The following ADI1 variants were observed in gnomAD, a reference collection of about 807,000 sequenced individuals.
The protein encoded by ADI1 is acireductone dioxygenase.
ADI1 carries 21 observed loss-of-function variants against 18.7 expected under a neutral mutation model. That is an observed-to-expected ratio of 1.13 (90% CI 0.80 to 1.62). The LOEUF (loss-of-function observed/expected upper bound fraction) is 1.62, where lower values mean the gene tolerates loss of function less well. Among genes scored for constraint, ADI1 ranks in the 40% most tolerant of loss-of-function variants. The probability of loss-of-function intolerance (pLI) is 0.00; values close to 1 mark genes in which losing one functional copy is unlikely to be tolerated. For missense variants in ADI1, 245 were observed against 254.9 expected (o/e 0.96, Z 0.26); for synonymous variants, 90 against 100.1 (o/e 0.90, Z 0.60).
At chr2:3,514,704 G>A (rs1203894259) in intron 1 of ADI1, 4 of 1,415,956 alleles carry the variant, frequency 2.8e-6, no homozygotes, top group Admixed American at 4.4e-5. Context: ...CCCTGATGAA[G>A]CTCCAGGCAG....
intron 1 of ADI1, chr2:3,516,899 G>A (rs1667421770): frequency 1.0e-6 from 1 of 979,486 alleles, no homozygotes; most frequent in Non-Finnish European, 1.2e-6. Context: ...AATATGGGGT[G>A]TGTGTGTGGC....
chr2:3,519,293 G>A, intron 1 of ADI1, 75 bp downstream of exon 1: 2 of 1,317,814 alleles, frequency 1.5e-6, no homozygotes, highest in South Asian at 3.9e-5. Flanking sequence ...CCCGGCACCT[G>A]GAGGAGGCTG....
Position 3,498,804 on chromosome 2 carries a change from C to A in ADI1, c.*159G>T. 1 of 1,271,692 alleles carries A rather than the reference C, an allele frequency of 7.9e-7. No homozygotes were observed. The highest frequency in any genetic ancestry group is 1.1e-6 in the Non-Finnish European group (1 of 936,836). 78.8% of individuals were successfully genotyped at this position (1,271,692 alleles called of 1,614,324 possible). On this transcript the variant is annotated 3_prime_UTR_variant, in exon 4 of 4. Transcript: ENST00000327435. ...TACACTTCCAAGTTGCTTTCTAGAT[C>A]CTTTCATTACAAAATATTCTGATCA...
At chr2:3,512,621 G>C (rs1184635050) in intron 2 of ADI1, among the ~76,000 whole-genome samples, 1 of 152,230 alleles carries the variant, frequency 6.6e-6, no homozygotes, top group Non-Finnish European at 1.5e-5. Context: ...CAAGGGTTGA[G>C]GCTTGGGATT....
At chr2:3,502,500 T>C (rs958681970) in intron 2 of ADI1, among the ~76,000 whole-genome samples, 2 of 147,880 alleles carry the variant, frequency 1.4e-5, no homozygotes, top group African/African-American at 5.1e-5. Flanking sequence ...TTGCCCAGGC[T>C]GGAGTGCAAT....
Position 3,498,855 on chromosome 2 carries a change from C to A in ADI1, c.*108G>T. 1.4e-6 allele frequency: 2 copies of A among 1,447,424 alleles called. No individual in the cohort carries two copies. The highest frequency in any genetic ancestry group is 1.4e-5 in the African/African-American group (1 of 70,334). The allele number at this position is 1,447,424 out of a possible 1,614,324, so 89.7% of individuals were successfully genotyped here. A position where few individuals can be genotyped will look rare whatever the true frequency, so the allele number is the denominator to read the frequency against. The stretch of plus-strand genomic sequence containing the variant: ...AATAATCTTACAAAGGAAAGATAAT[C>A]TAGCCTCAAGGCTATCCTCTAAAAG... On this transcript the variant is annotated 3_prime_UTR_variant, in exon 4 of 4. Coordinates refer to ENST00000327435, the MANE Select transcript of ADI1 (RefSeq NM_018269.4).
chr2:3,503,329 GCACACATA>G (rs1667077655), intron 2 of ADI1, among the ~76,000 whole-genome samples: 1 of 140,684 alleles, frequency 7.1e-6, no homozygotes, highest in Non-Finnish European at 1.5e-5. Context: ...TCACACACAT[GCACACATA>G]CACACGTACT....
intron 2 of ADI1, among the ~76,000 whole-genome samples, chr2:3,501,984 T>G (rs1484001710): frequency 6.6e-6 from 1 of 151,236 alleles, no homozygotes. Context: ...ACTGTTCATA[T>G]CTCCACACCT....
chr2:3,510,260 A>G (rs1338782204), intron 2 of ADI1, among the ~76,000 whole-genome samples: 1 of 152,118 alleles, frequency 6.6e-6, no homozygotes, highest in Non-Finnish European at 1.5e-5. Flanking sequence ...GACTGCAGTG[A>G]GCTATGATTG....
rs765149986 is a variant in ADI1, at chr2:3,498,954, G to A, written c.*9C>T. 1.2e-5 allele frequency: 19 copies of A among 1,603,294 alleles called. No individual in the cohort carries two copies. Among genetic ancestry groups the A allele is most frequent in the Non-Finnish European group, 1.5e-5 (18 of 1,171,770 alleles). ...TTACGAGGCACGTGTTAGTTCCCAGGCAGCACTGCTAGGCGGTCTGTGCCA... is the reference window on the plus strand; with the variant it reads ...TTACGAGGCACGTGTTAGTTCCCAGACAGCACTGCTAGGCGGTCTGTGCCA... On this transcript the variant is annotated 3_prime_UTR_variant, in exon 4 of 4. Transcript: ENST00000327435.
chr2:3,512,437 T>A (rs1667310215), intron 2 of ADI1, among the ~76,000 whole-genome samples: 2 of 152,348 alleles, frequency 1.3e-5, no homozygotes, highest in African/African-American at 2.4e-5. Context: ...AGAGCCCCTC[T>A]GCCCTACAGA....
rs1666921440 is a variant in ADI1 at position 3,498,788 on chromosome 2, A to T, written c.*175T>A. 1.9e-6 allele frequency: 2 copies of T among 1,075,400 alleles called. No homozygotes were observed. The highest frequency in any genetic ancestry group is 1.3e-6 in the Non-Finnish European group (1 of 772,872). 66.6% of individuals were successfully genotyped at this position (1,075,400 alleles called of 1,614,324 possible). On this transcript the variant is annotated 3_prime_UTR_variant, in exon 4 of 4. Transcript: ENST00000327435. The stretch of plus-strand genomic sequence containing the variant: ...AATGAAGGTGACTCTTTACACTTCC[A>T]AGTTGCTTTCTAGATCCTTTCATTA...
intron 2 of ADI1, 81 bp from the exon 3 acceptor site, chr2:3,501,074 C>A: frequency 1.5e-6 from 2 of 1,313,142 alleles, no homozygotes; most frequent in Non-Finnish European, 2.1e-6. Context: ...CAGCCTGAGC[C>A]TTTGGTGGGC....
At chr2:3,508,345 A>AC (rs1214626877) in intron 2 of ADI1, among the ~76,000 whole-genome samples, 14 of 142,738 alleles carry the variant, frequency 9.8e-5, no homozygotes, top group African/African-American at 4.1e-4. Flanking sequence ...AAAAAAAAAA[A>AC]AAAAAAAAAA....
intron 1 of ADI1, chr2:3,514,898 T>G: frequency 1.3e-6 from 2 of 1,538,752 alleles, no homozygotes; most frequent in Non-Finnish European, 1.8e-6. Flanking sequence ...GTTTTGAAGA[T>G]TTCACGGACA....
At chr2:3,507,889 T>C (rs971656035) in intron 2 of ADI1, among the ~76,000 whole-genome samples, 1 of 151,972 alleles carries the variant, frequency 6.6e-6, no homozygotes, top group Non-Finnish European at 1.5e-5. Context: ...GAGGGAGGAA[T>C]TGGGAACACT....
chr2:3,514,175 G>T (rs920389647), intron 1 of ADI1, among the ~76,000 whole-genome samples, 199 bp from the exon 2 acceptor site: 2 of 152,124 alleles, frequency 1.3e-5, no homozygotes, highest in Non-Finnish European at 2.9e-5. Context: ...TACATACAAT[G>T]GAGTTCTGTT....
At chr2:3,513,375 A>G (rs143171608) in intron 2 of ADI1, among the ~76,000 whole-genome samples, 30 of 152,274 alleles carry the variant, frequency 2.0e-4, no homozygotes, top group Middle Eastern at 3.4e-3. Flanking sequence ...TCTCCACCCA[A>G]ATTTCATATT....
intron 1 of ADI1, chr2:3,516,216 T>C (rs1210932392): frequency 3.6e-6 from 1 of 274,790 alleles, no homozygotes; most frequent in Non-Finnish European, 5.6e-6. Flanking sequence ...GCACTGTGGC[T>C]CACACCTATA....
Sources: gnomAD v4.1 joint callset for allele counts (sites outside exome capture counted in the v4.1 genomes callset) on GRCh38, gnomAD v4.1.1 for gene constraint, MANE v1.5 for transcripts, NCBI Gene and HGNC (gene_info 2026-07-23, HGNC 2026-07-21) for gene names.